The following SPMAP2L variants were observed in gnomAD, a reference collection of about 807,000 sequenced individuals.
SPMAP2L encodes sperm microtubule associated protein 2-like.
the SPMAP2L span, among the ~76,000 whole-genome samples, chr4:56,579,327 T>C: frequency 6.8e-3 from 1,036 of 152,264 alleles, 13 homozygotes; most frequent in African/African-American, 0.024. Context: ...TTTAAAAATA[T>C]GTTAAATTAA....
the SPMAP2L span, among the ~76,000 whole-genome samples, chr4:56,618,330 C>G: frequency 6.6e-6 from 1 of 152,148 alleles, no homozygotes; most frequent in African/African-American, 2.4e-5. Flanking sequence ...CAGGAGGCAG[C>G]AGGCAGAACC....
the SPMAP2L span, among the ~76,000 whole-genome samples, chr4:56,601,922 T>C: frequency 6.6e-6 from 1 of 152,146 alleles, no homozygotes; most frequent in Non-Finnish European, 1.5e-5. Flanking sequence ...ACATGGGCCA[T>C]ATATTTGTTT....
At chr4:56,546,365 A>G in the SPMAP2L span, among the ~76,000 whole-genome samples, 198 of 152,306 alleles carry the variant, frequency 1.3e-3, no homozygotes, top group African/African-American at 4.6e-3. Context: ...GGTCTCAGCC[A>G]TTAAATGATA....
chr4:56,552,309 T>C, the SPMAP2L span, among the ~76,000 whole-genome samples: 4 of 152,206 alleles, frequency 2.6e-5, no homozygotes, highest in Non-Finnish European at 5.9e-5. Context: ...GACAATATGT[T>C]CTTTGGTTGC....
the SPMAP2L span, among the ~76,000 whole-genome samples, chr4:56,591,709 G>A: frequency 6.6e-6 from 1 of 152,250 alleles, no homozygotes; most frequent in Non-Finnish European, 1.5e-5. Flanking sequence ...GGTAAGCTTT[G>A]ATTTTGAATA....
the SPMAP2L span, among the ~76,000 whole-genome samples, chr4:56,545,140 T>C: frequency 4.6e-5 from 7 of 152,182 alleles, no homozygotes; most frequent in Admixed American, 1.3e-4. Flanking sequence ...AAGCCCCTGC[T>C]CCACCCTCCT....
At chr4:56,596,382 C>A in the SPMAP2L span, 1 of 1,046,628 alleles carries the variant, frequency 9.6e-7, no homozygotes, top group Non-Finnish European at 1.3e-6. Context: ...AGATTCCCAC[C>A]CTTTCTGCTG....
the SPMAP2L span, among the ~76,000 whole-genome samples, chr4:56,561,000 C>T: frequency 6.6e-6 from 1 of 152,164 alleles, no homozygotes; most frequent in Non-Finnish European, 1.5e-5. Context: ...CCCACCTGGG[C>T]CTTTCAAAGT....
chr4:56,580,326 A>G, the SPMAP2L span, among the ~76,000 whole-genome samples: 1 of 152,180 alleles, frequency 6.6e-6, no homozygotes, highest in South Asian at 2.1e-4. Flanking sequence ...TGCAAAATAC[A>G]AAAATCAAAG....
At chr4:56,545,866 C>T in the SPMAP2L span, among the ~76,000 whole-genome samples, 2 of 152,132 alleles carry the variant, frequency 1.3e-5, no homozygotes, top group Non-Finnish European at 2.9e-5. Flanking sequence ...GATCTCGGCT[C>T]ACAGCAACTT....
the SPMAP2L span, among the ~76,000 whole-genome samples, chr4:56,591,449 T>G: frequency 1.3e-5 from 2 of 152,222 alleles, no homozygotes; most frequent in African/African-American, 2.4e-5. Context: ...ACACTGTCAG[T>G]GTTAGTATCA....
At chr4:56,584,534 A>G in the SPMAP2L span, 3 of 1,535,390 alleles carry the variant, frequency 2.0e-6, no homozygotes, top group Middle Eastern at 1.7e-4. Context: ...TTCTCTTCGA[A>G]TCTCTGATCC....
chr4:56,547,952 A>G, the SPMAP2L span, among the ~76,000 whole-genome samples: 1 of 152,160 alleles, frequency 6.6e-6, no homozygotes, highest in Non-Finnish European at 1.5e-5. Context: ...CACAATGAAG[A>G]TTTTTCTGCA....
At chr4:56,551,334 G>A in the SPMAP2L span, among the ~76,000 whole-genome samples, 2 of 152,162 alleles carry the variant, frequency 1.3e-5, no homozygotes, top group African/African-American at 2.4e-5. Context: ...AGGTTTGGGA[G>A]AGAGAATTGG....
chr4:56,608,677 G>T, the SPMAP2L span, among the ~76,000 whole-genome samples: 1 of 152,180 alleles, frequency 6.6e-6, no homozygotes, highest in Non-Finnish European at 1.5e-5. Context: ...AGTTGGCAGA[G>T]AGTCCCCACT....
the SPMAP2L span, among the ~76,000 whole-genome samples, chr4:56,564,370 C>T: frequency 7.9e-5 from 12 of 152,256 alleles, no homozygotes; most frequent in South Asian, 1.5e-3. Flanking sequence ...GAACTCCTGA[C>T]CTCAAGTGAT....
the SPMAP2L span, among the ~76,000 whole-genome samples, chr4:56,553,105 C>T: frequency 3.3e-5 from 5 of 151,574 alleles, no homozygotes; most frequent in African/African-American, 4.8e-5. Flanking sequence ...AGTCCTTTCA[C>T]GCTTGGCCAA....
the SPMAP2L span, among the ~76,000 whole-genome samples, chr4:56,592,626 G>A: frequency 2.6e-5 from 4 of 152,156 alleles, no homozygotes; most frequent in South Asian, 8.3e-4. Context: ...GCTGACCCTT[G>A]CGGGCCGGGG....
At chr4:56,620,336 G>A in the SPMAP2L span, among the ~76,000 whole-genome samples, 1 of 151,222 alleles carries the variant, frequency 6.6e-6, no homozygotes, top group South Asian at 2.1e-4. Context: ...TTATTTGGAT[G>A]ATAAGATAAA....
Sources: gnomAD v4.1 joint callset for allele counts (sites outside exome capture counted in the v4.1 genomes callset) on GRCh38, gnomAD v4.1.1 for gene constraint, MANE v1.5 for transcripts, NCBI Gene and HGNC (gene_info 2026-07-23, HGNC 2026-07-21) for gene names.